SGCZ: variants seen among roughly 807,000 people sequenced by gnomAD.
SGCZ encodes sarcoglycan zeta, also known as zeta-sarcoglycan.
SGCZ carries 40 observed loss-of-function variants against 41.3 expected under a neutral mutation model. The ratio of observed to expected loss-of-function variants is 0.97; its 90% CI spans 0.75 to 1.26. The LOEUF (loss-of-function observed/expected upper bound fraction) is 1.26, where lower values mean the gene tolerates loss of function less well. Ranked by LOEUF, SGCZ falls within the 50% of genes most tolerant of loss-of-function variation. The pLI, the probability that SGCZ is intolerant of heterozygous loss-of-function variation, is 0.00. For synonymous variants in SGCZ, 206 were observed against 137.5 expected, an observed-to-expected ratio of 1.50 and a Z score of -3.49; for missense variants, 552 against 369.8, an observed-to-expected ratio of 1.49 and a Z score of -4.04.
chr8:15,198,685 A>T (rs1259797441), intron 1 of SGCZ, among the ~76,000 whole-genome samples: 3 of 152,220 alleles, frequency 2.0e-5, no homozygotes, highest in Admixed American at 6.5e-5. Context: ...CAGCTACATT[A>T]ATGGCTGTTA....
intron 1 of SGCZ, among the ~76,000 whole-genome samples, chr8:14,736,701 C>G (rs1422651854): frequency 6.6e-6 from 1 of 152,020 alleles, no homozygotes; most frequent in Non-Finnish European, 1.5e-5. Flanking sequence ...AGCTTAGCTC[C>G]CACATATCAG....
intron 1 of SGCZ, among the ~76,000 whole-genome samples, chr8:14,641,831 A>C (rs1484110717): frequency 6.6e-6 from 1 of 151,648 alleles, no homozygotes; most frequent in Non-Finnish European, 1.5e-5. Context: ...TGGGAATAAA[A>C]ACTCCAAGTG....
chr8:14,775,318 G>A (rs940523824), intron 1 of SGCZ, among the ~76,000 whole-genome samples: 4 of 152,032 alleles, frequency 2.6e-5, no homozygotes, highest in African/African-American at 9.7e-5. Context: ...TAGTAATATT[G>A]AGCAACTGCA....
In SGCZ at chr8:14,088,134, C is replaced by T. The variant is rs1373912766; in HGVS notation, c.*2309G>A. ...TTTAAAATTTCATTTTTCTCTTTTGCCTTTTGTAATTTTGAAATTAGAACT... is the reference window on the plus strand; with the variant it reads ...TTTAAAATTTCATTTTTCTCTTTTGTCTTTTGTAATTTTGAAATTAGAACT... On this transcript the variant is annotated 3_prime_UTR_variant, in exon 8 of 8. Coordinates refer to ENST00000382080, the MANE Select transcript of SGCZ (RefSeq NM_139167.4). Among the ~76,000 whole-genome samples, 1 of 150,560 alleles carries T rather than the reference C, an allele frequency of 6.6e-6. No individual in the cohort carries two copies. The highest frequency in any genetic ancestry group is 1.5e-5 in the Non-Finnish European group (1 of 67,480).
At chr8:14,431,209 C>CA (rs1554517526) in intron 2 of SGCZ, among the ~76,000 whole-genome samples, 5 of 151,928 alleles carry the variant, frequency 3.3e-5, no homozygotes, top group Non-Finnish European at 7.4e-5. Context: ...CATATGGAAT[C>CA]AAAAAAGAGC....
intron 2 of SGCZ, among the ~76,000 whole-genome samples, chr8:14,391,821 G>A (rs1425340741): frequency 6.6e-6 from 1 of 152,068 alleles, no homozygotes; most frequent in Non-Finnish European, 1.5e-5. Flanking sequence ...CAGCTTCTGG[G>A]GAGGTTTCAG....
intron 2 of SGCZ, among the ~76,000 whole-genome samples, chr8:14,527,234 T>C (rs1802978518): frequency 6.6e-6 from 1 of 152,270 alleles, no homozygotes. Context: ...TATGAAATTA[T>C]CAGTAGATAT....
intron 2 of SGCZ, among the ~76,000 whole-genome samples, chr8:14,392,478 G>C (rs1345449886): frequency 6.6e-6 from 1 of 152,050 alleles, no homozygotes; most frequent in Non-Finnish European, 1.5e-5. Flanking sequence ...GTAGAAATAC[G>C]GTATTTGCTG....
chr8:14,515,319 T>C (rs1309911122), intron 2 of SGCZ, among the ~76,000 whole-genome samples: 1 of 152,124 alleles, frequency 6.6e-6, no homozygotes, highest in Non-Finnish European at 1.5e-5. Context: ...GATACTATCC[T>C]GTAAGTCACA....
intron 1 of SGCZ, among the ~76,000 whole-genome samples, chr8:14,709,904 A>G (rs1809458441): frequency 6.6e-6 from 1 of 152,126 alleles, no homozygotes; most frequent in African/African-American, 2.4e-5. Context: ...TTATAAATGA[A>G]CAAGTAATTG....
chr8:14,674,723 G>C (rs1177727510), intron 1 of SGCZ, among the ~76,000 whole-genome samples: 1 of 151,748 alleles, frequency 6.6e-6, no homozygotes, highest in African/African-American at 2.4e-5. Flanking sequence ...TATTGTCCTT[G>C]AAATAGTGAG....
intron 2 of SGCZ, among the ~76,000 whole-genome samples, chr8:14,366,905 T>C (rs992642917): frequency 3.3e-5 from 5 of 152,174 alleles, no homozygotes; most frequent in African/African-American, 1.2e-4. Flanking sequence ...GTCTGTAACA[T>C]ACCCTGGAGA....
At chr8:14,099,103 A>ATAAG (rs1309186413) in intron 7 of SGCZ, among the ~76,000 whole-genome samples, 3 of 152,226 alleles carry the variant, frequency 2.0e-5, no homozygotes, top group African/African-American at 7.2e-5. Flanking sequence ...AGATAGAGGT[A>ATAAG]TAAGTCATAA....
At chr8:14,237,772 A>T in intron 3 of SGCZ, 93 bp from the exon 4 acceptor site, 3 of 1,215,796 alleles carry the variant, frequency 2.5e-6, no homozygotes, top group Admixed American at 1.9e-5. Context: ...ATTCTGAAAA[A>T]TTTAATTTGT....
intron 1 of SGCZ, among the ~76,000 whole-genome samples, chr8:15,135,299 G>A (rs565923355): frequency 1.3e-5 from 2 of 152,148 alleles, no homozygotes; most frequent in South Asian, 2.1e-4. Flanking sequence ...GTAAATGAAC[G>A]AGTCAGAAAA....
At position 14,427,740 on chromosome 8, in the gene SGCZ, G is replaced by A. The variant is rs187132956; in HGVS notation, c.235-103536C>T. Among the ~76,000 whole-genome samples the A allele has an allele frequency of 2.5e-4, 38 of 152,180 alleles. No individual in the cohort carries two copies. In the East Asian group the frequency reaches 4.6e-3, roughly 19 times the overall value. ...ACTATCACAAGGACCAAACAAAAAG[G>A]CAAATTAAAGAAGGCTGAACCTGGC... On this transcript the variant is annotated intron_variant, in intron 2 of 7. Coordinates refer to ENST00000382080, the MANE Select transcript of SGCZ (RefSeq NM_139167.4).
At chr8:14,093,033 G>C (rs1008472583) in intron 7 of SGCZ, among the ~76,000 whole-genome samples, 1 of 151,904 alleles carries the variant, frequency 6.6e-6, no homozygotes, top group African/African-American at 2.4e-5. Flanking sequence ...GACATGCATG[G>C]AGAAAGTTTC....
rs1428195927 is a variant in SGCZ at position 14,726,311 on chromosome 8, C to CATACAT, written c.40-171386_40-171385insATGTAT. On this transcript the variant is annotated intron_variant, in intron 1 of 7. Coordinates refer to ENST00000382080, the MANE Select transcript of SGCZ (RefSeq NM_139167.4). ...GTGTGTGTGTGTATATGTGTAAATA[C>CATACAT]ATATATATATATCTATATATATATA... is the stretch of plus-strand genomic sequence containing the variant. Among the ~76,000 whole-genome samples the CATACAT allele has an allele frequency of 1.2e-3, 129 of 107,664 alleles. 1 individual carries two copies. The highest frequency in any genetic ancestry group is 2.7e-3 in the African/African-American group (73 of 27,482). The allele number at this position is 107,664 out of a possible 152,430, so 70.6% of individuals were successfully genotyped here. A position where few individuals can be genotyped will look rare whatever the true frequency, so the allele number is the denominator to read the frequency against.
At chr8:14,916,610 CA>C (rs1186159413) in intron 1 of SGCZ, among the ~76,000 whole-genome samples, 2 of 151,970 alleles carry the variant, frequency 1.3e-5, no homozygotes, top group Non-Finnish European at 2.9e-5. Flanking sequence ...CCTTTAAAGG[CA>C]AAAAAGCAAC....
Sources: gnomAD v4.1 joint callset for allele counts (sites outside exome capture counted in the v4.1 genomes callset) on GRCh38, gnomAD v4.1.1 for gene constraint, MANE v1.5 for transcripts, NCBI Gene and HGNC (gene_info 2026-07-23, HGNC 2026-07-21) for gene names.